The following CDH8 variants were observed in gnomAD, a reference collection of about 807,000 sequenced individuals.
The protein encoded by CDH8 is cadherin 8.
CDH8 carries 17 observed loss-of-function variants against 68.1 expected under a neutral mutation model. That is an observed-to-expected ratio of 0.25 (90% confidence interval 0.17 to 0.37). The LOEUF is 0.37. CDH8 is among the 10% of genes least tolerant of loss of function. The pLI, the probability that CDH8 is intolerant of heterozygous loss-of-function variation, is 1.00. For synonymous variants in CDH8, 372 were observed against 365.1 expected (o/e 1.02, Z -0.21); for missense variants, 763 against 999.3 (o/e 0.76, Z 3.19).
At chr16:61,897,322 C>T (rs1053984130) in intron 3 of CDH8, among the ~76,000 whole-genome samples, 15 of 151,958 alleles carry the variant, frequency 9.9e-5, no homozygotes, top group East Asian at 5.8e-4. Context: ...GCACAATCTC[C>T]GCTCACTGCA....
intron 10 of CDH8, among the ~76,000 whole-genome samples, chr16:61,709,822 ATCT>A (rs1262255583): frequency 1.3e-5 from 2 of 152,146 alleles, no homozygotes; most frequent in African/African-American, 4.8e-5. Context: ...GTTGGTCCTC[ATCT>A]TCTTCCTCCT....
At position 61,936,153 on chromosome 16, in the gene CDH8, C is replaced by T. The variant is rs181768930; in HGVS notation, c.253-34680G>A. Among the ~76,000 whole-genome samples the T allele has an allele frequency of 2.2e-4, 34 of 152,176 alleles. No homozygotes were observed. The East Asian group carries it at 5.8e-3, about 26-fold the overall frequency. The stretch of plus-strand genomic sequence containing the variant: ...TACATTAAAAGAATTTAAAGCATAT[C>T]TGTCATTGTATATACTCAAGGGATA... On this transcript the variant is annotated intron_variant, in intron 2 of 11. Transcript: ENST00000577390.
At chr16:61,787,697 T>C (rs1961261524) in intron 8 of CDH8, among the ~76,000 whole-genome samples, 1 of 147,878 alleles carries the variant, frequency 6.8e-6, no homozygotes, top group Admixed American at 6.7e-5. Context: ...AACCCAAATG[T>C]CCAACAATGA....
At chr16:61,832,622 C>G (rs1309503613) in intron 4 of CDH8, among the ~76,000 whole-genome samples, 1 of 151,502 alleles carries the variant, frequency 6.6e-6, no homozygotes, top group Non-Finnish European at 1.5e-5. Flanking sequence ...TTATTTTCTC[C>G]TGGTTACTCA....
At chr16:61,733,149 C>T (rs1408178384) in intron 8 of CDH8, among the ~76,000 whole-genome samples, 1 of 151,672 alleles carries the variant, frequency 6.6e-6, no homozygotes, top group Admixed American at 6.6e-5. Context: ...GGCAATAGAA[C>T]TATATAGGAG....
intron 2 of CDH8, among the ~76,000 whole-genome samples, chr16:61,959,586 ATG>A (rs932238283): frequency 1.5e-4 from 22 of 149,128 alleles, no homozygotes; most frequent in East Asian, 8.1e-4. Flanking sequence ...ATATAGAGAG[ATG>A]TGTGTGTGTG....
Position 61,960,215 on chromosome 16 carries a change from G to GTGTGTGTATACACATACATATATACATA in CDH8, c.253-58743_253-58742insTATGTATATATGTATGTGTATACACACA, listed in dbSNP as rs1965102573. 2.8e-5 allele frequency among the ~76,000 whole-genome samples: 2 copies of GTGTGTGTATACACATACATATATACATA among 70,412 alleles called. 1 individual carries two copies. The highest frequency in any genetic ancestry group is 5.1e-5 in the Non-Finnish European group (2 of 39,032). 46.2% of individuals were successfully genotyped at this position (70,412 alleles called of 152,430 possible). On this transcript the variant is annotated intron_variant, in intron 2 of 11. Coordinates refer to ENST00000577390, the MANE Select transcript of CDH8 (RefSeq NM_001796.5). ...TGTATACACATACATATATACATGT[G>GTGTGTGTATACACATACATATATACATA]TGTGTGTATACACACATATATACAT... is the stretch of plus-strand genomic sequence containing the variant.
Position 61,809,279 on chromosome 16 carries a change from A to T in CDH8, c.1277+8200T>A, listed in dbSNP as rs375004562. ...ACCCCTGGCCTAGTGTAATGGAGTC[A>T]AAGTATTTACTAACGTCATGGGGTT... On this transcript the variant is annotated intron_variant, in intron 7 of 11. Coordinates refer to ENST00000577390, the MANE Select transcript of CDH8 (RefSeq NM_001796.5). Among the ~76,000 whole-genome samples, 3 of 152,178 alleles carry T rather than the reference A, an allele frequency of 2.0e-5. No homozygotes were observed. The East Asian group carries it at 5.8e-4, about 29-fold the overall frequency.
chr16:62,014,882 T>C (rs1469925534), intron 2 of CDH8, among the ~76,000 whole-genome samples: 1 of 151,338 alleles, frequency 6.6e-6, no homozygotes, highest in Non-Finnish European at 1.5e-5. Flanking sequence ...AGAAGAACTA[T>C]GACCACCTGC....
At position 61,960,013 on chromosome 16, in the gene CDH8, TATAC is replaced by T. The variant is rs1185024031; in HGVS notation, c.253-58544_253-58541del. ...ATATATATATATATATATATATATA[TATAC>T]ACACATACACACACACACACAACAT... is the stretch of plus-strand genomic sequence containing the variant. On this transcript the variant is annotated intron_variant, in intron 2 of 11. Transcript: ENST00000577390. 8.1e-3 allele frequency among the ~76,000 whole-genome samples: 656 copies of T among 80,518 alleles called. 44 individuals are homozygous for T. Among genetic ancestry groups the T allele is most frequent in the East Asian group, 0.032 (83 of 2,622 alleles). The allele number at this position is 80,518 out of a possible 152,430, so 52.8% of individuals were successfully genotyped here.
At chr16:62,020,886 T>C (rs995292771) in intron 2 of CDH8, among the ~76,000 whole-genome samples, 7 of 152,102 alleles carry the variant, frequency 4.6e-5, no homozygotes, top group African/African-American at 1.2e-4. Context: ...AAAGAAAACG[T>C]TATTTGTTTT....
At chr16:61,855,415 C>A (rs1363253702) in intron 4 of CDH8, among the ~76,000 whole-genome samples, 1 of 152,076 alleles carries the variant, frequency 6.6e-6, no homozygotes, top group Non-Finnish European at 1.5e-5. Context: ...AATGACATTA[C>A]CATGCTACCT....
intron 10 of CDH8, chr16:61,692,336 A>C (rs1964242476): frequency 6.6e-6 from 1 of 152,140 alleles, no homozygotes; most frequent in Non-Finnish European, 1.5e-5. Context: ...TCATTATTGC[A>C]GTTTGACGCA....
At chr16:61,888,215 ACT>A (rs1379469184) in intron 3 of CDH8, among the ~76,000 whole-genome samples, 4 of 152,048 alleles carry the variant, frequency 2.6e-5, no homozygotes, top group East Asian at 1.9e-4. Context: ...GATAAATGTG[ACT>A]CTCTGTGACA....
At chr16:61,846,857 T>C (rs1369226210) in intron 4 of CDH8, among the ~76,000 whole-genome samples, 1 of 152,012 alleles carries the variant, frequency 6.6e-6, no homozygotes, top group African/African-American at 2.4e-5. Flanking sequence ...TCACTGCTTC[T>C]AGAAGGGAAG....
chr16:61,745,811 C>A (rs1408339370), intron 8 of CDH8, among the ~76,000 whole-genome samples: 1 of 151,986 alleles, frequency 6.6e-6, no homozygotes, highest in Non-Finnish European at 1.5e-5. Flanking sequence ...TGAATATATG[C>A]ATCATTTGGA....
intron 8 of CDH8, among the ~76,000 whole-genome samples, chr16:61,741,161 G>T (rs1365650545): frequency 1.3e-5 from 2 of 152,088 alleles, no homozygotes; most frequent in East Asian, 1.9e-4. Flanking sequence ...GATACTTAGG[G>T]CCTTTTCTTA....
intron 3 of CDH8, among the ~76,000 whole-genome samples, chr16:61,892,551 T>C (rs1963796557): frequency 6.6e-6 from 1 of 152,118 alleles, no homozygotes; most frequent in South Asian, 2.1e-4. Flanking sequence ...CAGTTTTGAA[T>C]ACAGATCAGA....
chr16:61,787,494 G>T (rs1961254930), intron 8 of CDH8, among the ~76,000 whole-genome samples: 1 of 140,810 alleles, frequency 7.1e-6, no homozygotes, highest in African/African-American at 2.8e-5. Flanking sequence ...CTGTTGGTGG[G>T]ACTGGAAACT....
Sources: gnomAD v4.1 joint callset for allele counts (sites outside exome capture counted in the v4.1 genomes callset) on GRCh38, gnomAD v4.1.1 for gene constraint, MANE v1.5 for transcripts, NCBI Gene and HGNC (gene_info 2026-07-23, HGNC 2026-07-21) for gene names.